The following IGSF21 variants were observed in gnomAD, a reference collection of about 807,000 sequenced individuals.
IGSF21 encodes immunoglobulin superfamily member 21.
Under a neutral mutation model 46.8 loss-of-function variants are expected in IGSF21, and 28 were observed. That is an observed-to-expected ratio of 0.60 (90% CI 0.44 to 0.82). The LOEUF (loss-of-function observed/expected upper bound fraction) is 0.82. Ranked by LOEUF, IGSF21 falls within the 40% of genes least tolerant of loss-of-function variation. The probability of loss-of-function intolerance (pLI) is 0.00; values close to 1 mark genes in which losing one functional copy is unlikely to be tolerated. For missense variants in IGSF21, 624 were observed against 665.5 expected (o/e 0.94, Z 0.69); for synonymous variants, 284 against 273.6 (o/e 1.04, Z -0.38).
intron 2 of IGSF21, among the ~76,000 whole-genome samples, chr1:18,231,006 C>G (rs1281823427): frequency 6.6e-6 from 1 of 152,152 alleles, no homozygotes; most frequent in East Asian, 2.0e-4. Flanking sequence ...TCCCAGCTTC[C>G]TTTCTCCATC....
chr1:18,164,744 A>G (rs2086661292), intron 1 of IGSF21, among the ~76,000 whole-genome samples: 1 of 151,038 alleles, frequency 6.6e-6, no homozygotes, highest in East Asian at 1.9e-4. Context: ...ATATATATAT[A>G]TTTATTATAC....
At chr1:18,172,865 C>A (rs942270098) in intron 1 of IGSF21, among the ~76,000 whole-genome samples, 1 of 152,184 alleles carries the variant, frequency 6.6e-6, no homozygotes, top group Non-Finnish European at 1.5e-5. Context: ...CAGAAGTCTG[C>A]ACTTTAAAGT....
rs111860382 is a variant in IGSF21 at position 18,273,331 on chromosome 1, A to ACGCCCTTTCCT, written c.184-18535_184-18534insCGCCCTTTCCT. ...ACTGGGATTACAGGCATGAGCCACC[A>ACGCCCTTTCCT]TTCCTTTCCTTTCCTTTCCTTTCCT... On this transcript the variant is annotated intron_variant, in intron 2 of 9. Transcript: ENST00000251296. Among the ~76,000 whole-genome samples the ACGCCCTTTCCT allele has an allele frequency of 1.8e-4, 10 of 54,158 alleles. 1 individual carries two copies. Among genetic ancestry groups the ACGCCCTTTCCT allele is most frequent in the African/African-American group, 6.5e-4 (9 of 13,774 alleles). 35.5% of individuals were successfully genotyped at this position (54,158 alleles called of 152,430 possible).
intron 3 of IGSF21, among the ~76,000 whole-genome samples, chr1:18,301,195 G>A (rs976169875): frequency 1.3e-5 from 2 of 152,190 alleles, no homozygotes; most frequent in Admixed American, 6.5e-5. Flanking sequence ...CAAGCAGGTC[G>A]TGCAGTGGGA....
chr1:18,368,441 G>A (rs2086189462), intron 6 of IGSF21, among the ~76,000 whole-genome samples: 2 of 150,578 alleles, frequency 1.3e-5, no homozygotes. Context: ...AACCCAGGAG[G>A]CAGAGGCTGC....
intron 3 of IGSF21, among the ~76,000 whole-genome samples, chr1:18,304,595 A>G (rs958279603): frequency 5.9e-5 from 9 of 152,194 alleles, no homozygotes; most frequent in Non-Finnish European, 8.8e-5. Context: ...ACAGTGCTCA[A>G]TGCAGCTTCC....
intron 3 of IGSF21, among the ~76,000 whole-genome samples, chr1:18,317,404 G>C (rs1207905418): frequency 6.6e-6 from 1 of 152,210 alleles, no homozygotes; most frequent in Non-Finnish European, 1.5e-5. Flanking sequence ...AAGTGGCAGA[G>C]CTGAGGTTTG....
chr1:18,278,202 GCATTCATT>G (rs1367000907), intron 2 of IGSF21, among the ~76,000 whole-genome samples: 1 of 106,092 alleles, frequency 9.4e-6, no homozygotes, highest in East Asian at 2.1e-4. Context: ...AAACATGGCT[GCATTCATT>G]TATTTATTTA....
At chr1:18,119,520 C>T (rs2086214567) in intron 1 of IGSF21, among the ~76,000 whole-genome samples, 1 of 152,210 alleles carries the variant, frequency 6.6e-6, no homozygotes, top group South Asian at 2.1e-4. Context: ...CAATGTTCCT[C>T]TTTGGGTGTG....
chr1:18,195,724 G>A (rs554832958), intron 1 of IGSF21, among the ~76,000 whole-genome samples: 6 of 152,270 alleles, frequency 3.9e-5, no homozygotes, highest in East Asian at 1.9e-4. Context: ...GCTACACTGC[G>A]GATTCACTGA....
intron 1 of IGSF21, among the ~76,000 whole-genome samples, chr1:18,116,259 C>T (rs1488393191): frequency 6.6e-6 from 1 of 152,166 alleles, no homozygotes; most frequent in Admixed American, 6.5e-5. Context: ...TTGGTTGTTA[C>T]ACACTTGCCA....
intron 2 of IGSF21, among the ~76,000 whole-genome samples, chr1:18,231,041 C>T (rs980774797): frequency 5.3e-5 from 8 of 152,082 alleles, no homozygotes; most frequent in African/African-American, 1.7e-4. Context: ...TTACAGAGCC[C>T]GGCTTGGAAG....
rs139556748 is a variant in IGSF21, at chr1:18,182,282, T to A, written c.71-45616T>A. ...ACCTCCACTTCCTAGGTTCAAGTGA[T>A]GCTTCCACCTCAGCCTCCCCAGTAG... On this transcript the variant is annotated intron_variant, in intron 1 of 9. Coordinates refer to ENST00000251296, the MANE Select transcript of IGSF21 (RefSeq NM_032880.5). 2.2e-3 allele frequency among the ~76,000 whole-genome samples: 340 copies of A among 151,272 alleles called. 2 individuals carry two copies. The highest frequency in any genetic ancestry group is 7.8e-3 in the African/African-American group (323 of 41,224).
intron 3 of IGSF21, among the ~76,000 whole-genome samples, chr1:18,294,730 A>G (rs2085296233): frequency 6.6e-6 from 1 of 152,224 alleles, no homozygotes; most frequent in African/African-American, 2.4e-5. Flanking sequence ...AGAACACCCC[A>G]GGGAGCTGAG....
At chr1:18,140,621 C>T (rs1264760874) in intron 1 of IGSF21, among the ~76,000 whole-genome samples, 1 of 152,236 alleles carries the variant, frequency 6.6e-6, no homozygotes, top group Non-Finnish European at 1.5e-5. Flanking sequence ...TCTGCTCCTG[C>T]TGTGCCCTCT....
At chr1:18,249,792 G>T (rs1005839074) in intron 2 of IGSF21, among the ~76,000 whole-genome samples, 1 of 152,176 alleles carries the variant, frequency 6.6e-6, no homozygotes, top group South Asian at 2.1e-4. Flanking sequence ...AGTTGTGGAT[G>T]GGAAACCCAC....
chr1:18,137,235 A>T (rs1369546658), intron 1 of IGSF21, among the ~76,000 whole-genome samples: 1 of 152,172 alleles, frequency 6.6e-6, no homozygotes, highest in Admixed American at 6.5e-5. Flanking sequence ...ACCAGATCAC[A>T]CAAGAACTCA....
chr1:18,227,626 A>C (rs1285072534), intron 1 of IGSF21, among the ~76,000 whole-genome samples: 1 of 151,506 alleles, frequency 6.6e-6, no homozygotes, highest in Non-Finnish European at 1.5e-5. Context: ...TGTCCCAAGC[A>C]GAAGTGTTTT....
At chr1:18,146,029 C>T (rs995342000) in intron 1 of IGSF21, among the ~76,000 whole-genome samples, 3 of 152,094 alleles carry the variant, frequency 2.0e-5, no homozygotes, top group Non-Finnish European at 4.4e-5. Flanking sequence ...CTGACCCTGG[C>T]TCTGCTGTGT....
Sources: gnomAD v4.1 joint callset for allele counts (sites outside exome capture counted in the v4.1 genomes callset) on GRCh38, gnomAD v4.1.1 for gene constraint, MANE v1.5 for transcripts, NCBI Gene and HGNC (gene_info 2026-07-23, HGNC 2026-07-21) for gene names.